Variants in SLC12A7 observed in about 807,000 individuals in gnomAD.
SLC12A7 encodes the protein K-Cl cotransporter 4.
Under a neutral mutation model 120.6 loss-of-function variants are expected in SLC12A7, and 100 were observed. That is an observed-to-expected ratio of 0.83 (90% confidence interval 0.71 to 0.98). The LOEUF (loss-of-function observed/expected upper bound fraction) is 0.98. SLC12A7 is among the 50% of genes least tolerant of loss of function. SLC12A7 has a pLI of 0.00. For synonymous variants in SLC12A7, 760 were observed against 678.0 expected (o/e 1.12, Z -1.88); for missense variants, 1,373 against 1,548.1 (o/e 0.89, Z 1.90).
rs1362756366 is a variant in SLC12A7 at position 1,076,783 on chromosome 5, C to A, written c.1659G>T (p.Glu553Asp). The A allele has an allele frequency of 1.2e-6, 2 of 1,610,714 alleles. No homozygotes were observed. The highest frequency in any genetic ancestry group is 1.7e-6 in the Non-Finnish European group (2 of 1,179,894). Residue 553 changes from glutamate to aspartate, a missense_variant, in exon 13 of 24, where the codon GAG (glutamate) becomes GAT (aspartate). By Grantham distance (45) the Glu-to-Asp change is conservative. Transcript: ENST00000264930. ...CTGTCAGCAGCAGCGCCCACGTGGG[C>A]TCCCCGTTGGCCTTCCCGTGGCCAA... ...QVFGHGKANG[E>D]PTWALLLTVL...
intron 20 of SLC12A7, among the ~76,000 whole-genome samples, chr5:1,062,034 G>A (rs934975749): frequency 1.2e-4 from 19 of 152,212 alleles, no homozygotes; most frequent in African/African-American, 4.3e-4. Flanking sequence ...CCAGGGCTAC[G>A]GAGGGGTGGG....
At chr5:1,088,708 G>A (rs554694102) in intron 4 of SLC12A7, among the ~76,000 whole-genome samples, 2 of 152,196 alleles carry the variant, frequency 1.3e-5, no homozygotes, top group East Asian at 1.9e-4. Context: ...ATGCCTGTCC[G>A]CAGACACGGG....
In SLC12A7 at chr5:1,061,131, ACCCCTGCGTCTCACCCGCCGCACCCGCCG is replaced by A. The variant is rs1561035071; in HGVS notation, c.2740-709_2740-681del. 2.2e-3 allele frequency among the ~76,000 whole-genome samples: 69 copies of A among 31,648 alleles called. 3 individuals carry two copies. The highest frequency in any genetic ancestry group is 5.3e-3 in the Non-Finnish European group (39 of 7,424). The allele number at this position is 31,648 out of a possible 152,430, so 20.8% of individuals were successfully genotyped here. On this transcript the variant is annotated intron_variant, in intron 20 of 23. Transcript: ENST00000264930. ...TCACCCACCGCACCCGCCGTGCGGG[ACCCCTGCGTCTCACCCGCCGCACCCGCCG>A]TGCGGGACCCCTGCGTCTCACCCAC...
chr5:1,154,396 C>T, the SLC12A7 span, among the ~76,000 whole-genome samples: 1 of 144,896 alleles, frequency 6.9e-6, no homozygotes, highest in Non-Finnish European at 1.5e-5. Context: ...CACACAGAGA[C>T]ACATACAATG....
chr5:1,142,369 CACCCTCTCCTGTCT>C, the SLC12A7 span, among the ~76,000 whole-genome samples: 1 of 87,038 alleles, frequency 1.1e-5, no homozygotes, highest in Non-Finnish European at 2.1e-5. Context: ...CTCTCCCCTC[CACCCTCTCCTGTCT>C]CCCCTCTCCC....
chr5:1,149,128 G>A, the SLC12A7 span, among the ~76,000 whole-genome samples: 1 of 90,652 alleles, frequency 1.1e-5, no homozygotes, highest in Non-Finnish European at 2.6e-5. Context: ...TGGATCCTAC[G>A]ATGCCGCACC....
chr5:1,099,563 G>A (rs1043607167), intron 1 of SLC12A7, among the ~76,000 whole-genome samples: 2 of 152,064 alleles, frequency 1.3e-5, no homozygotes, highest in African/African-American at 4.8e-5. Context: ...CACAGAATGA[G>A]CCATGGTACC....
chr5:1,050,655 C>T lies in SLC12A7; in HGVS notation c.*1705G>A, dbSNP rs1170501015. 8 of 389,090 alleles carry T rather than the reference C, an allele frequency of 2.1e-5. No homozygotes were observed. Among genetic ancestry groups the T allele is most frequent in the African/African-American group, 8.2e-5 (4 of 48,578 alleles). 24.1% of individuals were successfully genotyped at this position (389,090 alleles called of 1,614,324 possible). The stretch of plus-strand genomic sequence containing the variant: ...ACGTTCAGAGCCAGCACCATGTGGC[C>T]GCTGTGCCTCTAGCCTGCTCTCCTC... On this transcript the variant is annotated 3_prime_UTR_variant, in exon 24 of 24. Transcript: ENST00000264930.
At chr5:1,152,246 C>T in the SLC12A7 span, among the ~76,000 whole-genome samples, 1 of 152,234 alleles carries the variant, frequency 6.6e-6, no homozygotes, top group Non-Finnish European at 1.5e-5. Flanking sequence ...CCCTGCACAC[C>T]CGGCCACCCA....
upstream of SLC12A7, among the ~76,000 whole-genome samples, chr5:1,116,083 G>A (rs1743310212): frequency 6.6e-6 from 1 of 152,124 alleles, no homozygotes; most frequent in Non-Finnish European, 1.5e-5. Context: ...CCCATGGCCA[G>A]GGTGGCCCTA....
chr5:1,132,532 A>G, the SLC12A7 span, among the ~76,000 whole-genome samples: 11 of 152,014 alleles, frequency 7.2e-5, no homozygotes, highest in Middle Eastern at 3.4e-3. Flanking sequence ...TTCTGGTAAC[A>G]GTTCTTTTTT....
intron 1 of SLC12A7, among the ~76,000 whole-genome samples, chr5:1,099,300 C>T (rs1004299728): frequency 2.6e-5 from 4 of 151,494 alleles, no homozygotes; most frequent in South Asian, 2.1e-4. Flanking sequence ...CCACCTCCTC[C>T]GGTGGACGGC....
At chr5:1,097,054 G>A (rs564469120) in intron 1 of SLC12A7, among the ~76,000 whole-genome samples, 11 of 152,248 alleles carry the variant, frequency 7.2e-5, no homozygotes, top group African/African-American at 1.2e-4. Flanking sequence ...GCGTGGCTCC[G>A]GAGGCTCAGC....
intron 17 of SLC12A7, among the ~76,000 whole-genome samples, chr5:1,070,005 GCCC>G (rs1737504345): frequency 1.3e-5 from 1 of 75,998 alleles, no homozygotes; most frequent in Non-Finnish European, 3.1e-5. Context: ...CCCCCAGTGA[GCCC>G]CCAGCACACG....
chr5:1,142,324 CT>C, the SLC12A7 span, among the ~76,000 whole-genome samples: 1 of 107,250 alleles, frequency 9.3e-6, no homozygotes, highest in African/African-American at 3.8e-5. Context: ...CCCCTCTCCC[CT>C]CTCTCCTCTC....
chr5:1,074,893 C>G (rs190424985), intron 15 of SLC12A7, among the ~76,000 whole-genome samples: 1 of 152,242 alleles, frequency 6.6e-6, no homozygotes, highest in East Asian at 1.9e-4. Flanking sequence ...GGAACGAGGT[C>G]TACGTCCAGC....
At chr5:1,134,094 C>G in the SLC12A7 span, among the ~76,000 whole-genome samples, 1 of 152,190 alleles carries the variant, frequency 6.6e-6, no homozygotes, top group Non-Finnish European at 1.5e-5. Context: ...AGCCTCCCGG[C>G]TGATTCTCAT....
intron 1 of SLC12A7, among the ~76,000 whole-genome samples, chr5:1,103,615 A>T (rs539654378): frequency 6.6e-6 from 1 of 152,180 alleles, no homozygotes; most frequent in East Asian, 1.9e-4. Context: ...GCATACCCAT[A>T]CCCGCAGTCA....
intron 11 of SLC12A7, 195 bp downstream of exon 11, chr5:1,078,506 G>A (rs1316328701): frequency 7.9e-6 from 5 of 630,860 alleles, no homozygotes; most frequent in South Asian, 3.8e-5. Flanking sequence ...GGCTCTGAAC[G>A]GTTCCCCAGG....
Sources: gnomAD v4.1 joint callset for allele counts (sites outside exome capture counted in the v4.1 genomes callset) on GRCh38, gnomAD v4.1.1 for gene constraint, MANE v1.5 for transcripts, NCBI Gene and HGNC (gene_info 2026-07-23, HGNC 2026-07-21) for gene names.